OGA: variants seen among roughly 807,000 people sequenced by gnomAD.
OGA encodes O-GlcNAcase.
OGA carries 21 observed loss-of-function variants against 102.0 expected under a neutral mutation model. That is an observed-to-expected ratio of 0.21 (90% confidence interval 0.15 to 0.30). The LOEUF is 0.30. OGA is among the 10% of genes least tolerant of loss of function. The pLI, the probability that OGA is intolerant of heterozygous loss-of-function variation, is 1.00. For synonymous variants in OGA, 408 were observed against 378.2 expected (o/e 1.08, Z -0.91); for missense variants, 765 against 1,107.8 (o/e 0.69, Z 4.39).
Position 101,806,131 on chromosome 10 carries a change from G to A in OGA, c.665C>T (p.Thr222Ile), listed in dbSNP as rs757844587. The A allele has an allele frequency of 1.9e-6, 3 of 1,600,250 alleles. No homozygotes were observed. The highest frequency in any genetic ancestry group is 2.6e-6 in the Non-Finnish European group (3 of 1,167,416). Residue 222 changes from threonine to isoleucine, a missense_variant, in exon 6 of 16, where the codon ACT (threonine) becomes ATT (isoleucine). Physicochemically the swap from Thr to Ile is moderately conservative, Grantham distance 89. Around this residue, in one of 7 missense-constraint regions of OGA, gnomAD observed 165 missense variants for 249.7 expected, o/e 0.66. Transcript: ENST00000361464. ...FLFCPTEYCG[T>I]FCYPNVSQSP... ...CTGAGACACATTTGGATAACAGAAA[G>A]TGCCACAGTATTCTAAATGTAGGGA...
At position 101,813,537 on chromosome 10, in the gene OGA, C is replaced by A; in HGVS notation, c.251+18G>T. ...GAGTTTAAGGTTCTCCTCTCTCCTTCATATAATGAAGATTTACCTTCTAAA... is the reference window on the plus strand; with the variant it reads ...GAGTTTAAGGTTCTCCTCTCTCCTTAATATAATGAAGATTTACCTTCTAAA... On this transcript the variant is annotated intron_variant, in intron 2 of 15. Transcript: ENST00000361464. The A allele has an allele frequency of 1.4e-6, 2 of 1,478,154 alleles. No individual in the cohort carries two copies. The highest frequency in any genetic ancestry group is 2.4e-5 in the South Asian group (2 of 82,532). 91.6% of individuals were successfully genotyped at this position (1,478,154 alleles called of 1,614,324 possible). A position where few individuals can be genotyped will look rare whatever the true frequency, so the allele number is the denominator to read the frequency against.
At chr10:101,805,406 G>C (rs1439139885) in intron 6 of OGA, among the ~76,000 whole-genome samples, 2 of 152,174 alleles carry the variant, frequency 1.3e-5, no homozygotes, top group African/African-American at 2.4e-5. Flanking sequence ...TGTAATCCCA[G>C]CACTTTGGGA....
At chr10:101,812,230 A>G (rs1254799689) in intron 3 of OGA, among the ~76,000 whole-genome samples, 5 of 152,074 alleles carry the variant, frequency 3.3e-5, no homozygotes, top group African/African-American at 2.4e-5. Context: ...TATGTAACCA[A>G]CTCAACGTTA....
chr10:101,789,388 C>T (rs377553133), intron 14 of OGA, among the ~76,000 whole-genome samples: 2 of 152,196 alleles, frequency 1.3e-5, no homozygotes, highest in East Asian at 3.9e-4. Context: ...ATCTCAACTA[C>T]TCGAGAGGCT....
intron 14 of OGA, among the ~76,000 whole-genome samples, chr10:101,788,311 C>T (rs543948368): frequency 1.4e-3 from 216 of 150,522 alleles, no homozygotes; most frequent in African/African-American, 5.1e-3. Context: ...TGGCGGCGTG[C>T]GCCTGTAGTC....
intron 1 of OGA, among the ~76,000 whole-genome samples, chr10:101,816,592 C>T (rs1055300752): frequency 5.3e-5 from 8 of 152,144 alleles, no homozygotes; most frequent in Admixed American, 5.2e-4. Context: ...CTAAAATCTC[C>T]CTGCACTCAA....
At position 101,791,415 on chromosome 10, in the gene OGA, C is replaced by T. The variant is rs2065258034; in HGVS notation, c.2200G>A (p.Glu734Lys). The T allele has an allele frequency of 6.2e-7, 1 of 1,613,926 alleles. No individual in the cohort carries two copies. The highest frequency in any genetic ancestry group is 1.3e-5 in the African/African-American group (1 of 74,936). ...AAACCCACTCCATCGTCATACATTT[C>T]TCTGCAAATCTTGTACACGGATGCC... ...DEASVYKICREMYDDGVGLPF... is the reference protein window; with the variant it reads ...DEASVYKICRKMYDDGVGLPF... The change falls in exon 13 of 16, where the codon GAA (glutamate) becomes AAA (lysine). Residue 734 changes from glutamate to lysine, a missense_variant. Around this residue, in one of 7 missense-constraint regions of OGA, gnomAD observed 146 missense variants for 269.7 expected, o/e 0.54. Transcript: ENST00000361464.
chr10:101,807,927 C>T, intron 4 of OGA, 26 bp from the exon 5 acceptor site: 1 of 1,437,108 alleles, frequency 7.0e-7, no homozygotes, highest in East Asian at 2.5e-5. Context: ...AAAAAAGAAT[C>T]AAGAGTAAAA....
At chr10:101,802,365 A>G (rs2135062178) in intron 7 of OGA, among the ~76,000 whole-genome samples, 1 of 152,114 alleles carries the variant, frequency 6.6e-6, no homozygotes, top group Non-Finnish European at 1.5e-5. Context: ...CTTACCCAAC[A>G]CTAGACTGTT....
intron 14 of OGA, chr10:101,787,766 C>T (rs2065208074): frequency 2.5e-6 from 1 of 404,920 alleles, no homozygotes; most frequent in Non-Finnish European, 4.6e-6. Context: ...CGCGCTCTCT[C>T]TCTCTCTCTC....
chr10:101,807,766 G>A lies in OGA; in HGVS notation c.616C>T (p.Leu206=), dbSNP rs762600854. Residue 206 remains leucine (L), a synonymous_variant, in exon 5 of 16, where the codon CTA becomes TTA. Coordinates refer to ENST00000361464, the MANE Select transcript of OGA (RefSeq NM_012215.5). ...AAGAGGAAAGTTTCTGGCTCTCCTA[G>A]GTACTGATAGATTTCATTTGTGATG... ...VSITNEIYQY[L]GEPETFLFCP... 6.2e-7 allele frequency: 1 copy of A among 1,608,802 alleles called. No individual in the cohort carries two copies. Among genetic ancestry groups the A allele is most frequent in the South Asian group, 1.1e-5 (1 of 89,730 alleles).
chr10:101,805,636 C>T (rs965784816), intron 6 of OGA, among the ~76,000 whole-genome samples: 2 of 120,352 alleles, frequency 1.7e-5, no homozygotes, highest in African/African-American at 6.6e-5. Context: ...GCCTGGGCAA[C>T]AAGAGCAATG....
intron 7 of OGA, among the ~76,000 whole-genome samples, chr10:101,801,066 C>T (rs1385877516): frequency 1.3e-5 from 2 of 151,728 alleles, no homozygotes; most frequent in Non-Finnish European, 2.9e-5. Context: ...CCACTACAAC[C>T]GACTGTAACT....
intron 5 of OGA, among the ~76,000 whole-genome samples, chr10:101,806,825 G>A (rs902542245): frequency 2.0e-5 from 3 of 152,188 alleles, no homozygotes; most frequent in African/African-American, 7.2e-5. Context: ...TGCAATCCCA[G>A]CATTTTGGGA....
intron 3 of OGA, 63 bp from the exon 4 acceptor site, chr10:101,810,377 G>C: frequency 7.0e-7 from 1 of 1,422,310 alleles, no homozygotes; most frequent in Non-Finnish European, 9.6e-7. Context: ...CTTCACTGAA[G>C]GTTTAACTGA....
Position 101,786,348 on chromosome 10 carries a change from C to G in OGA, c.*103G>C, listed in dbSNP as rs2065189971. 8.3e-7 allele frequency: 1 copy of G among 1,207,390 alleles called. No homozygotes were observed. Among genetic ancestry groups the G allele is most frequent in the African/African-American group, 1.6e-5 (1 of 64,104 alleles). 74.8% of individuals were successfully genotyped at this position (1,207,390 alleles called of 1,614,324 possible). On this transcript the variant is annotated 3_prime_UTR_variant, in exon 16 of 16. Transcript: ENST00000361464. The stretch of plus-strand genomic sequence containing the variant: ...TCTTCTTTGTTTCGAATCCAATTGG[C>G]TGATTTGTTACCATTCTAGAGGCTG...
chr10:101,793,129 G>A (rs758039256), intron 11 of OGA, among the ~76,000 whole-genome samples, 186 bp from the exon 12 acceptor site: 51 of 152,168 alleles, frequency 3.4e-4, no homozygotes, highest in Admixed American at 1.2e-3. Flanking sequence ...CTTCTGAATA[G>A]AAATTACCCA....
chr10:101,787,574 C>CT (rs753009401), intron 14 of OGA, 51 bp from the exon 15 acceptor site: 55 of 1,465,100 alleles, frequency 3.8e-5, no homozygotes, highest in Middle Eastern at 1.9e-4. Flanking sequence ...CATTAGATAT[C>CT]TAACCCAACT....
At chr10:101,813,443 T>C (rs367547226) in intron 2 of OGA, 112 bp downstream of exon 2, 9 of 714,654 alleles carry the variant, frequency 1.3e-5, no homozygotes, top group Non-Finnish European at 2.1e-5. Context: ...ACTTCTGCAA[T>C]TGAGAAACCA....
Sources: allele counts gnomAD v4.1 joint callset (sites outside exome capture counted in the v4.1 genomes callset), GRCh38; gene constraint gnomAD v4.1.1; regional missense constraint gnomAD v4.1.1; transcripts MANE v1.5; gene names NCBI Gene and HGNC (gene_info 2026-07-23, HGNC 2026-07-21).